CPLANE1: variants seen among roughly 807,000 people sequenced by gnomAD.
CPLANE1 encodes ciliogenesis and planar polarity effector complex subunit 1.
In CPLANE1, 263 loss-of-function variants were observed where a neutral mutation model predicts 362.5. The observed-to-expected ratio is 0.73, with a 90% CI of 0.66 to 0.80. CPLANE1 has a LOEUF of 0.80. Among genes scored for constraint, CPLANE1 ranks in the 30% least tolerant of loss-of-function variants. CPLANE1 has a pLI of 0.00. For synonymous variants in CPLANE1, 1,212 were observed against 1,302.6 expected (o/e 0.93, Z 1.50); for missense variants, 3,461 against 3,793.4 (o/e 0.91, Z 2.30).
intron 38 of CPLANE1, among the ~76,000 whole-genome samples, chr5:37,161,168 T>C (rs1776759838): frequency 6.6e-6 from 1 of 152,208 alleles, no homozygotes; most frequent in Admixed American, 6.5e-5. Context: ...CACAGGGACA[T>C]GTTTGCCATA....
intron 9 of CPLANE1, among the ~76,000 whole-genome samples, chr5:37,229,280 G>A (rs941246880): frequency 6.6e-6 from 1 of 151,364 alleles, no homozygotes; most frequent in East Asian, 1.9e-4. Flanking sequence ...GAGGCCGGGC[G>A]CGGTGGCTCA....
rs1478912976 is a variant in CPLANE1, at chr5:37,107,048, A to G, written c.*554T>C. The G allele has an allele frequency of 1.0e-6, 1 of 985,296 alleles. No individual in the cohort carries two copies. The highest frequency in any genetic ancestry group is 1.2e-6 in the Non-Finnish European group (1 of 829,912). The allele number at this position is 985,296 out of a possible 1,614,324, so 61.0% of individuals were successfully genotyped here. A position where few individuals can be genotyped will look rare whatever the true frequency, so the allele number is the denominator to read the frequency against. On this transcript the variant is annotated 3_prime_UTR_variant, in exon 53 of 53. Coordinates refer to ENST00000651892, the MANE Select transcript of CPLANE1 (RefSeq NM_001384732.1). ...CAGGCTACAGGGCAGAAGACAGAAG[A>G]TCTCCTGGCCTCCATGAAACTTTGC...
chr5:37,154,579 C>A (rs959849712), intron 41 of CPLANE1, among the ~76,000 whole-genome samples: 2 of 150,060 alleles, frequency 1.3e-5, no homozygotes, highest in Non-Finnish European at 2.9e-5. Flanking sequence ...GGATTACAGG[C>A]ATGAGCCACT....
intron 34 of CPLANE1, among the ~76,000 whole-genome samples, chr5:37,168,388 T>C (rs1778871841): frequency 6.6e-6 from 1 of 152,234 alleles, no homozygotes. Context: ...TGTTTAAATC[T>C]GACACAGAGT....
At chr5:37,085,960 A>G in the CPLANE1 span, 2 of 609,244 alleles carry the variant, frequency 3.3e-6, no homozygotes, top group East Asian at 2.7e-5. Flanking sequence ...ACAAAGAGGG[A>G]CATTATATAA....
intron 16 of CPLANE1, chr5:37,211,704 C>A: frequency 1.3e-6 from 1 of 780,466 alleles, no homozygotes. Context: ...TGAGTCTAGG[C>A]ACAACCTCTC....
At chr5:37,212,732 A>G (rs181145259) in intron 16 of CPLANE1, among the ~76,000 whole-genome samples, 1 of 152,358 alleles carries the variant, frequency 6.6e-6, no homozygotes, top group African/African-American at 2.4e-5. Context: ...TAAATTTAAA[A>G]AGTAAATGGT....
chr5:37,245,297 C>CTATATATATATATA (rs57781968), intron 4 of CPLANE1, among the ~76,000 whole-genome samples, 182 bp downstream of exon 4: 1 of 59,702 alleles, frequency 1.7e-5, no homozygotes, highest in Non-Finnish European at 3.3e-5. Flanking sequence ...ATAACCAAAA[C>CTATATATATATATA]TATATATATA....
chr5:37,200,964 C>T (rs1305310782), intron 19 of CPLANE1, among the ~76,000 whole-genome samples: 4 of 152,128 alleles, frequency 2.6e-5, no homozygotes, highest in Admixed American at 6.6e-5. Flanking sequence ...GCTGAGACTA[C>T]AGGCACATGC....
At chr5:37,186,197 C>A in intron 24 of CPLANE1, 89 bp downstream of exon 24, 1 of 724,828 alleles carries the variant, frequency 1.4e-6, no homozygotes. Flanking sequence ...TGCATAGACA[C>A]ATAAGCAACA....
intron 51 of CPLANE1, among the ~76,000 whole-genome samples, chr5:37,111,121 C>T (rs574399378): frequency 2.2e-5 from 3 of 136,016 alleles, no homozygotes. Context: ...TATTAACTTT[C>T]TATTCTTTTT....
chr5:37,099,260 T>C, the CPLANE1 span, among the ~76,000 whole-genome samples: 11 of 152,150 alleles, frequency 7.2e-5, no homozygotes, highest in Non-Finnish European at 1.2e-4. Flanking sequence ...CATCCATTAG[T>C]TATTCTTCCT....
Position 37,138,787 on chromosome 5 carries a change from G to A in CPLANE1, c.8725C>T (p.Leu2909Phe), listed in dbSNP as rs1254666516. The A allele has an allele frequency of 6.2e-7, 1 of 1,613,014 alleles. No homozygotes were observed. ...CTGGAAACTCCGTCTTTAATTATAAGGTCATCAATAATGTCTGCAATATCA... is the reference window on the plus strand; with the variant it reads ...CTGGAAACTCCGTCTTTAATTATAAAGTCATCAATAATGTCTGCAATATCA... ...LTDIADIIDD[L>F]IIKDGVSSEE... Residue 2909 changes from leucine (L) to phenylalanine (F), a missense_variant, in exon 46 of 53, where the codon CTT (leucine) becomes TTT (phenylalanine). Leu to Phe is a conservative substitution (Grantham distance 22). Transcript: ENST00000651892.
rs1350396107 is a variant in CPLANE1 at position 37,175,935 on chromosome 5, T to C, written c.5952A>G (p.Gln1984=). ...HPGHTTPQSM[Q]VDTSSEISSA... ...TAGAAATTTCTGAACTCGTATCTACTTGCATTGATTGAGGAGTGGTATGCC... is the reference window on the plus strand; with the variant it reads ...TAGAAATTTCTGAACTCGTATCTACCTGCATTGATTGAGGAGTGGTATGCC... The change falls in exon 31 of 53, where the codon CAA becomes CAG. Residue 1984 remains glutamine (Q), a synonymous_variant. Transcript: ENST00000651892. 3 of 1,613,440 alleles carry C rather than the reference T, an allele frequency of 1.9e-6. No individual in the cohort carries two copies.
intron 46 of CPLANE1, among the ~76,000 whole-genome samples, chr5:37,134,269 G>A (rs1222323975): frequency 6.6e-6 from 1 of 152,046 alleles, no homozygotes; most frequent in Non-Finnish European, 1.5e-5. Context: ...ATCTGGTCTG[G>A]GGCTTTTATT....
the CPLANE1 span, among the ~76,000 whole-genome samples, chr5:37,077,947 CTTTG>C: frequency 6.6e-6 from 1 of 152,014 alleles, no homozygotes; most frequent in African/African-American, 2.4e-5. Context: ...TGGGATCTCC[CTTTG>C]TTTGTTGCCC....
chr5:37,176,457 G>A (rs112486862), intron 30 of CPLANE1, among the ~76,000 whole-genome samples: 3 of 151,918 alleles, frequency 2.0e-5, no homozygotes, highest in Non-Finnish European at 2.9e-5. Flanking sequence ...GTGACATGGC[G>A]AATCCCATCT....
intron 21 of CPLANE1, among the ~76,000 whole-genome samples, chr5:37,191,222 C>A (rs1561550818): frequency 6.6e-6 from 1 of 151,976 alleles, no homozygotes; most frequent in Non-Finnish European, 1.5e-5. Context: ...AAAAAATAAA[C>A]TTTAAAATTT....
chr5:37,124,407 T>C (rs902055135), intron 47 of CPLANE1, among the ~76,000 whole-genome samples: 2 of 152,084 alleles, frequency 1.3e-5, no homozygotes, highest in Non-Finnish European at 2.9e-5. Flanking sequence ...AGTAAATAAA[T>C]GCTGAGTTTT....
Sources: allele counts gnomAD v4.1 joint callset (sites outside exome capture counted in the v4.1 genomes callset), GRCh38; gene constraint gnomAD v4.1.1; transcripts MANE v1.5; gene names NCBI Gene and HGNC (gene_info 2026-07-23, HGNC 2026-07-21).